The following CNTNAP5 variants were observed in gnomAD, a reference collection of about 807,000 sequenced individuals.
The protein encoded by CNTNAP5 is contactin-associated protein-like 5.
In CNTNAP5, 72 loss-of-function variants were observed where a neutral mutation model predicts 150.2. The observed-to-expected ratio is 0.48, with a 90% CI of 0.40 to 0.58. CNTNAP5 has a LOEUF of 0.58. CNTNAP5 is among the 20% of genes least tolerant of loss of function. The pLI is 0.00. For synonymous variants in CNTNAP5, 672 were observed against 619.8 expected (o/e 1.08, Z -1.25); for missense variants, 1,636 against 1,626.2 (o/e 1.01, Z -0.10).
chr2:124,262,022 T>A (rs1434563440), intron 3 of CNTNAP5, among the ~76,000 whole-genome samples: 1 of 152,146 alleles, frequency 6.6e-6, no homozygotes, highest in East Asian at 1.9e-4. Context: ...GGCAGGAGGA[T>A]CAGTTAAGCC....
At chr2:124,722,692 G>A (rs1680072435) in intron 13 of CNTNAP5, among the ~76,000 whole-genome samples, 1 of 152,128 alleles carries the variant, frequency 6.6e-6, no homozygotes, top group South Asian at 2.1e-4. Context: ...GAGATTAAGG[G>A]GGTAGCCTCA....
chr2:124,048,554 T>C (rs897221704), intron 1 of CNTNAP5, among the ~76,000 whole-genome samples: 1 of 152,246 alleles, frequency 6.6e-6, no homozygotes, highest in African/African-American at 2.4e-5. Flanking sequence ...GGGCTCTCTA[T>C]ACACTTTCTT....
intron 2 of CNTNAP5, among the ~76,000 whole-genome samples, chr2:124,229,630 G>A (rs955998222): frequency 3.9e-5 from 6 of 152,138 alleles, no homozygotes; most frequent in Non-Finnish European, 5.9e-5. Flanking sequence ...GGCTTAGGAC[G>A]GATCAGTCTT....
chr2:124,628,363 C>T (rs1274982872), intron 12 of CNTNAP5, among the ~76,000 whole-genome samples: 1 of 152,136 alleles, frequency 6.6e-6, no homozygotes, highest in East Asian at 1.9e-4. Flanking sequence ...TGACAGTGGA[C>T]CTCTCAGTAG....
chr2:124,913,974 T>G, intron 23 of CNTNAP5, 118 bp from the exon 24 acceptor site: 1 of 638,850 alleles, frequency 1.6e-6, no homozygotes, highest in South Asian at 2.7e-5. Flanking sequence ...TGCGTTTGTG[T>G]GATTTGTTTT....
chr2:124,434,450 T>C (rs1350070088), intron 4 of CNTNAP5, 34 bp from the exon 5 acceptor site: 1 of 1,516,384 alleles, frequency 6.6e-7, no homozygotes, highest in African/African-American at 1.4e-5. Flanking sequence ...GAATATGCAC[T>C]AATTTTTCTT....
intron 6 of CNTNAP5, among the ~76,000 whole-genome samples, chr2:124,462,256 G>A (rs1693273134): frequency 6.6e-6 from 1 of 152,136 alleles, no homozygotes; most frequent in African/African-American, 2.4e-5. Flanking sequence ...GGAGATACAA[G>A]CACAGACTCT....
intron 1 of CNTNAP5, among the ~76,000 whole-genome samples, chr2:124,060,509 C>T (rs1337560657): frequency 4.6e-5 from 7 of 152,166 alleles, no homozygotes; most frequent in Admixed American, 4.6e-4. Context: ...CTCAGGTAGT[C>T]AACAGTTTGA....
chr2:124,543,275 T>C (rs538543696), intron 10 of CNTNAP5, among the ~76,000 whole-genome samples: 33 of 151,678 alleles, frequency 2.2e-4, no homozygotes, highest in Non-Finnish European at 3.8e-4. Flanking sequence ...GAAGGAAGCA[T>C]AGGAGCACAT....
At chr2:124,877,705 T>A (rs1356279180) in intron 21 of CNTNAP5, among the ~76,000 whole-genome samples, 1 of 152,152 alleles carries the variant, frequency 6.6e-6, no homozygotes, top group Non-Finnish European at 1.5e-5. Context: ...GTTGGTAGTA[T>A]TAAAGTTTTT....
chr2:124,311,844 G>A (rs559319571), intron 3 of CNTNAP5, among the ~76,000 whole-genome samples: 149 of 152,204 alleles, frequency 9.8e-4, no homozygotes, highest in Non-Finnish European at 1.8e-3. Flanking sequence ...TGCCCTTCTG[G>A]AATCTAACTG....
At chr2:124,906,180 C>T (rs559397052) in intron 22 of CNTNAP5, among the ~76,000 whole-genome samples, 1 of 152,112 alleles carries the variant, frequency 6.6e-6, no homozygotes, top group East Asian at 1.9e-4. Flanking sequence ...TAGATAGAAA[C>T]AGTGATAGTG....
intron 1 of CNTNAP5, among the ~76,000 whole-genome samples, chr2:124,056,019 C>T (rs550824776): frequency 6.6e-6 from 1 of 152,282 alleles, no homozygotes; most frequent in African/African-American, 2.4e-5. Flanking sequence ...TCTGCTGGCT[C>T]TTTCCCATTT....
intron 13 of CNTNAP5, among the ~76,000 whole-genome samples, chr2:124,730,273 A>G (rs375381653): frequency 4.5e-4 from 68 of 151,984 alleles, no homozygotes; most frequent in Middle Eastern, 3.2e-3. Flanking sequence ...TGTTTGTATC[A>G]GTACATCTTT....
intron 1 of CNTNAP5, among the ~76,000 whole-genome samples, chr2:124,210,541 AC>A (rs1685978204): frequency 6.6e-6 from 1 of 152,116 alleles, no homozygotes; most frequent in African/African-American, 2.4e-5. Context: ...AGTTCAGGCT[AC>A]CATTATTATA....
intron 13 of CNTNAP5, among the ~76,000 whole-genome samples, chr2:124,691,222 A>C (rs1679294130): frequency 6.6e-6 from 1 of 152,178 alleles, no homozygotes; most frequent in African/African-American, 2.4e-5. Flanking sequence ...TTCTCTGCGT[A>C]GCATTCTTCC....
At chr2:124,189,134 G>T (rs1186647499) in intron 1 of CNTNAP5, among the ~76,000 whole-genome samples, 1 of 151,986 alleles carries the variant, frequency 6.6e-6, no homozygotes, top group Non-Finnish European at 1.5e-5. Context: ...TATTTTTCAG[G>T]AGAGAAATAT....
chr2:124,635,466 GA>G (rs916143098), intron 12 of CNTNAP5, among the ~76,000 whole-genome samples: 2 of 152,134 alleles, frequency 1.3e-5, no homozygotes, highest in Non-Finnish European at 2.9e-5. Flanking sequence ...GCAAAGAAGG[GA>G]AACCGGAGGA....
At chr2:124,366,674 A>C (rs1009049817) in intron 3 of CNTNAP5, among the ~76,000 whole-genome samples, 2 of 152,222 alleles carry the variant, frequency 1.3e-5, no homozygotes, top group South Asian at 2.1e-4. Flanking sequence ...ACAGCAACAT[A>C]TTTCCAACCA....
Sources: allele counts gnomAD v4.1 joint callset (sites outside exome capture counted in the v4.1 genomes callset), GRCh38; gene constraint gnomAD v4.1.1; transcripts MANE v1.5; gene names NCBI Gene and HGNC (gene_info 2026-07-23, HGNC 2026-07-21).